GALNT10: variants seen among roughly 807,000 people sequenced by gnomAD.
GALNT10 encodes polypeptide N-acetylgalactosaminyltransferase 10.
A neutral mutation model predicts 75.0 loss-of-function variants in GALNT10; 41 were observed. The observed-to-expected ratio is 0.55, with a 90% CI of 0.43 to 0.71. GALNT10 has a LOEUF of 0.71. Ranked by LOEUF, GALNT10 falls within the 30% of genes least tolerant of loss-of-function variation. The probability of loss-of-function intolerance (pLI) is 0.00; values close to 1 mark genes in which losing one functional copy is unlikely to be tolerated. For synonymous variants in GALNT10, 302 were observed against 313.0 expected (o/e 0.96, Z 0.37); for missense variants, 727 against 818.5 (o/e 0.89, Z 1.36).
At chr5:154,354,173 CT>C (rs1755254283) in intron 4 of GALNT10, among the ~76,000 whole-genome samples, 1 of 152,158 alleles carries the variant, frequency 6.6e-6, no homozygotes, top group Non-Finnish European at 1.5e-5. Context: ...GAATGACTTA[CT>C]TTTATCTTAC....
At chr5:154,378,393 A>C (rs1303425003) in intron 5 of GALNT10, among the ~76,000 whole-genome samples, 1 of 152,004 alleles carries the variant, frequency 6.6e-6, no homozygotes, top group Non-Finnish European at 1.5e-5. Flanking sequence ...TTAACATTTG[A>C]ATTTGACCAT....
At chr5:154,230,752 C>G (rs1244987346) in intron 1 of GALNT10, among the ~76,000 whole-genome samples, 2 of 152,204 alleles carry the variant, frequency 1.3e-5, no homozygotes, top group African/African-American at 4.8e-5. Context: ...ATCCTTTCCT[C>G]CTGTGCACTT....
At chr5:154,343,712 G>A (rs376608663) in intron 4 of GALNT10, among the ~76,000 whole-genome samples, 1 of 152,106 alleles carries the variant, frequency 6.6e-6, no homozygotes, top group Non-Finnish European at 1.5e-5. Flanking sequence ...ATTCTGGGGG[G>A]TAGATTACAT....
intron 1 of GALNT10, among the ~76,000 whole-genome samples, chr5:154,245,734 A>G (rs1006433278): frequency 1.3e-5 from 2 of 152,064 alleles, no homozygotes; most frequent in African/African-American, 4.8e-5. Context: ...TATGGACGTC[A>G]ATAAACAATG....
In GALNT10 at chr5:154,418,976, A is replaced by G. The variant is rs145554789; in HGVS notation, c.*2004A>G. 1.3e-5 allele frequency: 2 copies of G among 152,684 alleles called. No homozygotes were observed. Among genetic ancestry groups the G allele is most frequent in the East Asian group, 3.9e-4 (2 of 5,166 alleles). 9.5% of individuals were successfully genotyped at this position (152,684 alleles called of 1,614,324 possible). ...AAGAGCAATGCAGCGTCGTTAAAAT[A>G]AAAACTGTGCCTTTTAAAAAGAAAA... On this transcript the variant is annotated 3_prime_UTR_variant, in exon 12 of 12. Transcript: ENST00000297107.
intron 4 of GALNT10, among the ~76,000 whole-genome samples, chr5:154,359,966 C>T (rs1755358377): frequency 6.6e-6 from 1 of 151,814 alleles, no homozygotes; most frequent in Non-Finnish European, 1.5e-5. Flanking sequence ...TTCTATAATC[C>T]AGGAATCCTA....
At chr5:154,201,428 G>C (rs1216182468) in intron 1 of GALNT10, among the ~76,000 whole-genome samples, 1 of 152,164 alleles carries the variant, frequency 6.6e-6, no homozygotes, top group Non-Finnish European at 1.5e-5. Context: ...ACTTGGAAGT[G>C]TAAGTATATA....
At chr5:154,384,718 G>A (rs1755785240) in intron 6 of GALNT10, among the ~76,000 whole-genome samples, 1 of 152,186 alleles carries the variant, frequency 6.6e-6, no homozygotes, top group Non-Finnish European at 1.5e-5. Context: ...CCTGCTTCTC[G>A]AGTGTTCCTG....
chr5:154,288,021 T>C (rs1422140858), intron 1 of GALNT10, among the ~76,000 whole-genome samples: 3 of 151,862 alleles, frequency 2.0e-5, no homozygotes, highest in African/African-American at 7.3e-5. Flanking sequence ...TTTGAAATGA[T>C]ATAGTTATTT....
chr5:154,370,068 A>G (rs1330819410), intron 4 of GALNT10, among the ~76,000 whole-genome samples: 1 of 152,242 alleles, frequency 6.6e-6, no homozygotes, highest in African/African-American at 2.4e-5. Context: ...AGATTCCTGA[A>G]CGAAGCAAAC....
intron 1 of GALNT10, among the ~76,000 whole-genome samples, chr5:154,250,172 A>G (rs530556684): frequency 2.5e-4 from 38 of 152,192 alleles, no homozygotes; most frequent in African/African-American, 6.5e-4. Context: ...GCAGCCCCCT[A>G]TGTGTTTCTG....
chr5:154,332,397 A>G (rs1048116482), intron 4 of GALNT10, among the ~76,000 whole-genome samples: 4 of 152,092 alleles, frequency 2.6e-5, no homozygotes, highest in African/African-American at 9.7e-5. Flanking sequence ...AGCACAGCAC[A>G]CACCATGCTC....
At chr5:154,245,172 G>T (rs1293629198) in intron 1 of GALNT10, among the ~76,000 whole-genome samples, 2 of 152,198 alleles carry the variant, frequency 1.3e-5, no homozygotes, top group Non-Finnish European at 2.9e-5. Context: ...ATGCAAGGGG[G>T]TGGAGATGAC....
chr5:154,362,241 G>A (rs1755401603), intron 4 of GALNT10, among the ~76,000 whole-genome samples: 3 of 152,264 alleles, frequency 2.0e-5, no homozygotes, highest in Middle Eastern at 3.4e-3. Flanking sequence ...CTAACAAATC[G>A]AATACCTGGG....
intron 4 of GALNT10, among the ~76,000 whole-genome samples, chr5:154,360,142 A>G (rs145721388): frequency 3.2e-4 from 48 of 152,254 alleles, no homozygotes; most frequent in African/African-American, 1.1e-3. Flanking sequence ...ATGGAATATG[A>G]TGAATCTATT....
intron 7 of GALNT10, chr5:154,389,149 A>G (rs1012905146): frequency 6.6e-6 from 1 of 152,060 alleles, no homozygotes; most frequent in African/African-American, 2.4e-5. Context: ...CCATATCCCA[A>G]GTACCTAAAG....
At position 154,191,016 on chromosome 5, in the gene GALNT10, G is replaced by A. The variant is rs1395184063; in HGVS notation, c.150G>A (p.Ala50=). The change falls in exon 1 of 12, where the codon GCG becomes GCA. Residue 50 remains alanine, a synonymous_variant. Transcript: ENST00000297107. ...GATCGGGGGCGGCGGTGGCGCCGGCGGCGGGACAGGTGAGTCCCCCCGTTG... is the reference window on the plus strand; with the variant it reads ...GATCGGGGGCGGCGGTGGCGCCGGCAGCGGGACAGGTGAGTCCCCCCGTTG... ...PGGSGAAVAP[A]AGQGSHSRQK... The A allele has an allele frequency of 2.1e-6, 3 of 1,454,120 alleles. No homozygotes were observed. Among genetic ancestry groups the A allele is most frequent in the African/African-American group, 2.9e-5 (2 of 69,416 alleles). 90.1% of individuals were successfully genotyped at this position (1,454,120 alleles called of 1,614,324 possible).
chr5:154,376,378 G>C lies in GALNT10; in HGVS notation c.670G>C (p.Gly224Arg). 2 of 1,609,212 alleles carry C rather than the reference G, an allele frequency of 1.2e-6. No individual in the cohort carries two copies. Among genetic ancestry groups the C allele is most frequent in the Non-Finnish European group, 1.7e-6 (2 of 1,178,102 alleles). The change falls in exon 5 of 12, where the codon GGG becomes CGG. Residue 224 changes from glycine (G) to arginine (R), a missense_variant. By Grantham distance (125) the Gly-to-Arg change is moderately radical. Transcript: ENST00000297107. This position sits in a 1 kb window ranked among gnomAD's most constrained non-coding sequence, Gnocchi z 4.1. ...REGLIRTRML[G>R]ASVATGDVIT... ...AGGGCTGATAAGGACCCGAATGCTG[G>C]GGGCCTCAGTGGCAACTGGGGATGT...
At chr5:154,209,314 C>T (rs1407433893) in intron 1 of GALNT10, among the ~76,000 whole-genome samples, 1 of 152,212 alleles carries the variant, frequency 6.6e-6, no homozygotes, top group Non-Finnish European at 1.5e-5. Context: ...CTTCTACTAA[C>T]CACTGTTAAC....
Sources: allele counts gnomAD v4.1 joint callset (sites outside exome capture counted in the v4.1 genomes callset), GRCh38; gene constraint gnomAD v4.1.1; non-coding constraint Gnocchi (gnomAD v3.1); transcripts MANE v1.5; gene names NCBI Gene and HGNC (gene_info 2026-07-23, HGNC 2026-07-21).